LHFPL3: variants seen among roughly 807,000 people sequenced by gnomAD.
LHFPL3 encodes LHFPL tetraspan subfamily member 3 protein.
Under a neutral mutation model 19.3 loss-of-function variants are expected in LHFPL3, and 5 were observed. That is an observed-to-expected ratio of 0.26 (90% confidence interval 0.14 to 0.54). The LOEUF is 0.54. LHFPL3 is among the 20% of genes least tolerant of loss of function. The pLI is 0.94. For synonymous variants in LHFPL3, 133 were observed against 126.2 expected, an observed-to-expected ratio of 1.05 and a Z score of -0.36; for missense variants, 249 against 307.4, an observed-to-expected ratio of 0.81 and a Z score of 1.42.
At chr7:104,654,397 C>CTTTG (rs1792087056) in intron 1 of LHFPL3, among the ~76,000 whole-genome samples, 2 of 152,270 alleles carry the variant, frequency 1.3e-5, no homozygotes, top group African/African-American at 4.8e-5. Context: ...TTTCCTACAT[C>CTTTG]TAGTACTCTT....
chr7:104,531,049 G>A (rs1794285729), intron 1 of LHFPL3, among the ~76,000 whole-genome samples: 1 of 152,186 alleles, frequency 6.6e-6, no homozygotes, highest in South Asian at 2.1e-4. Flanking sequence ...AGTTGGAACA[G>A]GGCCTGGAAT....
intron 1 of LHFPL3, among the ~76,000 whole-genome samples, chr7:104,624,368 G>A (rs931623386): frequency 2.0e-5 from 3 of 152,194 alleles, no homozygotes; most frequent in Non-Finnish European, 4.4e-5. Context: ...GACATGTTGA[G>A]AATCAGAAAG....
intron 1 of LHFPL3, among the ~76,000 whole-genome samples, chr7:104,664,763 A>G (rs1437601064): frequency 6.6e-6 from 1 of 152,220 alleles, no homozygotes; most frequent in Non-Finnish European, 1.5e-5. Context: ...ATGAGAAGAA[A>G]GGATAGAGAA....
At chr7:104,334,934 T>C (rs1420840581) in intron 1 of LHFPL3, among the ~76,000 whole-genome samples, 1 of 152,196 alleles carries the variant, frequency 6.6e-6, no homozygotes, top group African/African-American at 2.4e-5. Context: ...GATTTCCTTA[T>C]GTACCTTCAG....
At chr7:104,755,197 T>C (rs1014952000) in intron 2 of LHFPL3, among the ~76,000 whole-genome samples, 2 of 152,146 alleles carry the variant, frequency 1.3e-5, no homozygotes, top group Non-Finnish European at 2.9e-5. Context: ...TTCCAGGTGA[T>C]GACACGGCAC....
intron 2 of LHFPL3, among the ~76,000 whole-genome samples, chr7:104,900,809 G>A (rs985799233): frequency 1.3e-5 from 2 of 152,194 alleles, no homozygotes; most frequent in African/African-American, 4.8e-5. Flanking sequence ...TTTGCAAAGA[G>A]CCCTTTGGAA....
chr7:104,669,370 A>C lies in LHFPL3; in HGVS notation c.446-67305A>C, dbSNP rs144721947. The C allele has an allele frequency of 2.5e-4, 410 of 1,613,298 alleles. 2 individuals are homozygous for C. In the African/African-American group the frequency reaches 4.8e-3, roughly 19 times the overall value. On this transcript the variant is annotated intron_variant, in intron 1 of 2. Coordinates refer to ENST00000424859, the MANE Select transcript of LHFPL3 (RefSeq NM_199000.3). Reference sequence around the variant, plus strand: ...CCCAAAAGGCCAAACTGGGAACTCTAGCCGTGGTCCAGGAGACTGAGGGAA... The same window carrying C: ...CCCAAAAGGCCAAACTGGGAACTCTCGCCGTGGTCCAGGAGACTGAGGGAA...
Position 104,683,737 on chromosome 7 carries a change from A to G in LHFPL3, c.446-52938A>G, listed in dbSNP as rs549092415. Among the ~76,000 whole-genome samples the G allele has an allele frequency of 1.9e-3, 289 of 152,322 alleles. 1 individual carries two copies. The highest frequency in any genetic ancestry group is 2.1e-3 in the Admixed American group (32 of 15,298). ...ATTTTTAGTGAACATCAATAGTATC[A>G]CCAATTTACAAAAATAAAAACAACA... On this transcript the variant is annotated intron_variant, in intron 1 of 2. Coordinates refer to ENST00000424859, the MANE Select transcript of LHFPL3 (RefSeq NM_199000.3).
At chr7:104,370,353 G>T (rs1389451660) in intron 1 of LHFPL3, among the ~76,000 whole-genome samples, 1 of 152,270 alleles carries the variant, frequency 6.6e-6, no homozygotes, top group South Asian at 2.1e-4. Flanking sequence ...CTGATGGGAA[G>T]ATCGAGTGTC....
At chr7:104,523,174 T>C (rs977929571) in intron 1 of LHFPL3, among the ~76,000 whole-genome samples, 1 of 152,172 alleles carries the variant, frequency 6.6e-6, no homozygotes, top group Non-Finnish European at 1.5e-5. Flanking sequence ...TCCTGGTTAA[T>C]AGCATCTTTC....
intron 1 of LHFPL3, among the ~76,000 whole-genome samples, chr7:104,356,759 G>T (rs1418183943): frequency 6.6e-6 from 1 of 152,250 alleles, no homozygotes; most frequent in Non-Finnish European, 1.5e-5. Context: ...CAGTCTAGTG[G>T]GGAGGAAATG....
At chr7:104,615,758 G>A (rs1275447586) in intron 1 of LHFPL3, among the ~76,000 whole-genome samples, 1 of 148,394 alleles carries the variant, frequency 6.7e-6, no homozygotes, top group Non-Finnish European at 1.5e-5. Context: ...TCCCACTTAT[G>A]AGTGAGAACA....
At chr7:104,856,605 C>T (rs1023884433) in intron 2 of LHFPL3, among the ~76,000 whole-genome samples, 10 of 152,256 alleles carry the variant, frequency 6.6e-5, no homozygotes, top group African/African-American at 2.4e-4. Context: ...TTGAGAACCA[C>T]CAACCTCTAG....
chr7:104,546,072 C>G (rs1473931217), intron 1 of LHFPL3, among the ~76,000 whole-genome samples: 1 of 152,134 alleles, frequency 6.6e-6, no homozygotes, highest in Admixed American at 6.6e-5. Flanking sequence ...GGCCTGGTAT[C>G]AGCAAACTAA....
intron 1 of LHFPL3, among the ~76,000 whole-genome samples, chr7:104,349,660 G>A (rs1456278050): frequency 7.2e-5 from 11 of 152,248 alleles, no homozygotes; most frequent in Admixed American, 3.9e-4. Context: ...ACCATAGCAC[G>A]TGTATACCTG....
Position 104,560,857 on chromosome 7 carries a change from G to A in LHFPL3, c.446-175818G>A, listed in dbSNP as rs202196515. Among the ~76,000 whole-genome samples the A allele has an allele frequency of 2.5e-3, 373 of 150,092 alleles. 3 individuals carry two copies. Among genetic ancestry groups the A allele is most frequent in the African/African-American group, 8.8e-3 (354 of 40,056 alleles). ...TCCCTCTACACATTGCTTTGAATGC[G>A]TCCCAGAGATTCTGGTATGTTGTGT... On this transcript the variant is annotated intron_variant, in intron 1 of 2. Coordinates refer to ENST00000424859, the MANE Select transcript of LHFPL3 (RefSeq NM_199000.3).
chr7:104,716,397 C>T (rs1793386935), intron 1 of LHFPL3, among the ~76,000 whole-genome samples: 1 of 151,496 alleles, frequency 6.6e-6, no homozygotes, highest in Non-Finnish European at 1.5e-5. Flanking sequence ...TCCTTGTTTG[C>T]AGTTGACATG....
intron 1 of LHFPL3, among the ~76,000 whole-genome samples, chr7:104,586,308 C>A (rs1261817742): frequency 6.6e-6 from 1 of 152,012 alleles, no homozygotes; most frequent in Non-Finnish European, 1.5e-5. Flanking sequence ...TTCTTATATA[C>A]CAGCTTCTCT....
intron 1 of LHFPL3, among the ~76,000 whole-genome samples, chr7:104,541,136 A>G (rs2115875020): frequency 6.6e-6 from 1 of 151,212 alleles, no homozygotes; most frequent in East Asian, 2.0e-4. Context: ...ACACACACAC[A>G]CACACACACA....
Sources: allele counts gnomAD v4.1 joint callset (sites outside exome capture counted in the v4.1 genomes callset), GRCh38; gene constraint gnomAD v4.1.1; transcripts MANE v1.5; gene names NCBI Gene and HGNC (gene_info 2026-07-23, HGNC 2026-07-21).